The following NAB1 variants were observed in gnomAD, a reference collection of about 807,000 sequenced individuals.
The protein encoded by NAB1 is NGFI-A-binding protein 1.
Under a neutral mutation model 49.9 loss-of-function variants are expected in NAB1, and 25 were observed. The observed-to-expected ratio is 0.50, with a 90% CI of 0.37 to 0.70. The LOEUF is 0.70. Among genes scored for constraint, NAB1 ranks in the 30% least tolerant of loss-of-function variants. The probability of loss-of-function intolerance (pLI) is 0.00; values close to 1 mark genes in which losing one functional copy is unlikely to be tolerated. For missense variants in NAB1, 489 were observed against 575.9 expected (o/e 0.85, Z 1.54); for synonymous variants, 198 against 215.6 (o/e 0.92, Z 0.71).
At position 190,685,283 on chromosome 2, in the gene NAB1, A is replaced by G. The variant is rs1171796498; in HGVS notation, c.1096-193A>G. The stretch of plus-strand genomic sequence containing the variant: ...AGAAAGCTTTTATCTTTTGTACAAT[A>G]TCCAGCCTTTTATGTTTTAACATGA... On this transcript the variant is annotated intron_variant, in intron 7 of 9. Transcript: ENST00000337386. The surrounding 1 kb of genome is among the most constrained non-coding windows in gnomAD (Gnocchi z 4.5). Among the ~76,000 whole-genome samples the G allele has an allele frequency of 6.6e-6, 1 of 152,248 alleles. No individual in the cohort carries two copies. The highest frequency in any genetic ancestry group is 1.5e-5 in the Non-Finnish European group (1 of 68,044).
Position 190,679,966 on chromosome 2 carries a change from G to A in NAB1, c.1006-3772G>A, listed in dbSNP as rs1034229010. Among the ~76,000 whole-genome samples, 4 of 152,086 alleles carry A rather than the reference G, an allele frequency of 2.6e-5. No homozygotes were observed. The highest frequency in any genetic ancestry group is 6.5e-5 in the Admixed American group (1 of 15,268). On this transcript the variant is annotated intron_variant, in intron 6 of 9. Coordinates refer to ENST00000337386, the MANE Select transcript of NAB1 (RefSeq NM_005966.4). The surrounding 1 kb of genome is among the most constrained non-coding windows in gnomAD (Gnocchi z 5.3). ...GTCTCACTAGCAAATGAGCTCAACC[G>A]AATTCATCAGTGTTCTGGCCCCTCC...
In NAB1 at chr2:190,689,412, ATCCCCT is replaced by A. The variant is rs1175149982; in HGVS notation, c.1376-830_1376-825del. 6.6e-6 allele frequency among the ~76,000 whole-genome samples: 1 copy of A among 152,128 alleles called. No homozygotes were observed. The highest frequency in any genetic ancestry group is 2.4e-5 in the African/African-American group (1 of 41,410). On this transcript the variant is annotated intron_variant, in intron 9 of 9. Coordinates refer to ENST00000337386, the MANE Select transcript of NAB1 (RefSeq NM_005966.4). The surrounding 1 kb of genome is among the most constrained non-coding windows in gnomAD (Gnocchi z 4.3). The stretch of plus-strand genomic sequence containing the variant: ...TTACTACTCTTACGCGGAACTTAAA[ATCCCCT>A]TCTGTTTAGATAGAGAGGATTCATA...
chr2:190,682,864 C>T lies in NAB1; in HGVS notation c.1006-874C>T, dbSNP rs1355669637. ...TGTGGTATGATAAACTAGTAAAGGC[C>T]CTCTATAGGTTTAGCGAAAGTACAT... On this transcript the variant is annotated intron_variant, in intron 6 of 9. Transcript: ENST00000337386. The surrounding 1 kb of genome is among the most constrained non-coding windows in gnomAD (Gnocchi z 4.1). 6.6e-6 allele frequency among the ~76,000 whole-genome samples: 1 copy of T among 151,938 alleles called. No individual in the cohort carries two copies. The highest frequency in any genetic ancestry group is 1.5e-5 in the Non-Finnish European group (1 of 68,002).
chr2:190,654,342 C>T lies in NAB1; in HGVS notation c.-196-1635C>T, dbSNP rs554904578. On this transcript the variant is annotated intron_variant, in intron 2 of 9. Coordinates refer to ENST00000337386, the MANE Select transcript of NAB1 (RefSeq NM_005966.4). This position sits in a 1 kb window ranked among gnomAD's most constrained non-coding sequence, Gnocchi z 5.6. ...ATGAAGGACTGTCTTTCCTCTGTTC[C>T]CCAGAACTGGCTTAGTTGTTGGTGT... 9.2e-5 allele frequency among the ~76,000 whole-genome samples: 14 copies of T among 152,208 alleles called. No homozygotes were observed. The highest frequency in any genetic ancestry group is 3.3e-4 in the Admixed American group (5 of 15,276).
chr2:190,664,113 A>G (rs1363525524), intron 4 of NAB1, among the ~76,000 whole-genome samples: 1 of 152,174 alleles, frequency 6.6e-6, no homozygotes, highest in Non-Finnish European at 1.5e-5. Flanking sequence ...AAGCTTATTA[A>G]TTCTGTCATT....
In NAB1 at chr2:190,678,966, A is replaced by G. The variant is rs1365054596; in HGVS notation, c.1006-4772A>G. Among the ~76,000 whole-genome samples, 4 of 152,236 alleles carry G rather than the reference A, an allele frequency of 2.6e-5. No individual in the cohort carries two copies. The highest frequency in any genetic ancestry group is 4.1e-4 in the South Asian group (2 of 4,836). On this transcript the variant is annotated intron_variant, in intron 6 of 9. Coordinates refer to ENST00000337386, the MANE Select transcript of NAB1 (RefSeq NM_005966.4). This position sits in a 1 kb window ranked among gnomAD's most constrained non-coding sequence, Gnocchi z 4.9. ...TGTTCGGCAGAAAGGATGAGGAGGCATGGGGATGGAGACCAATGGGATGAG... is the reference window on the plus strand; with the variant it reads ...TGTTCGGCAGAAAGGATGAGGAGGCGTGGGGATGGAGACCAATGGGATGAG...
chr2:190,665,754 A>T (rs1305112865), intron 4 of NAB1, among the ~76,000 whole-genome samples: 1 of 152,176 alleles, frequency 6.6e-6, no homozygotes, highest in East Asian at 1.9e-4. Context: ...GGGGTTATGA[A>T]ATCTTAAGAG....
At position 190,690,390 on chromosome 2, in the gene NAB1, A is replaced by G. The variant is rs529085081; in HGVS notation, c.*57A>G. ...GCATCAGATTTAAGGATAATACTCC[A>G]TCATAGAAATAAGCCTTAATAACCA... On this transcript the variant is annotated 3_prime_UTR_variant, in exon 10 of 10. Transcript: ENST00000337386. The G allele has an allele frequency of 6.9e-6, 9 of 1,308,892 alleles. No individual in the cohort carries two copies. Among genetic ancestry groups the G allele is most frequent in the Middle Eastern group, 2.6e-4 (1 of 3,864 alleles). The allele number at this position is 1,308,892 out of a possible 1,614,324, so 81.1% of individuals were successfully genotyped here.
chr2:190,683,220 C>T (rs1477132082), intron 6 of NAB1, among the ~76,000 whole-genome samples: 1 of 151,188 alleles, frequency 6.6e-6, no homozygotes, highest in Non-Finnish European at 1.5e-5. Flanking sequence ...AAGCGATTCT[C>T]ATGCTTCAGC....
rs1694546592 is a variant in NAB1, at chr2:190,666,855, G to A, written c.820-3471G>A. 6.6e-6 allele frequency among the ~76,000 whole-genome samples: 1 copy of A among 152,160 alleles called. No homozygotes were observed. The highest frequency in any genetic ancestry group is 1.5e-5 in the Non-Finnish European group (1 of 68,030). On this transcript the variant is annotated intron_variant, in intron 4 of 9. Coordinates refer to ENST00000337386, the MANE Select transcript of NAB1 (RefSeq NM_005966.4). This position sits in a 1 kb window ranked among gnomAD's most constrained non-coding sequence, Gnocchi z 5.6. ...TCCTTTTAACAAAATTAGAGTATTG[G>A]CATTCAGAAAAAGCTAACAGTGCTG...
At chr2:190,650,782 AT>A (rs1166026101) in intron 2 of NAB1, among the ~76,000 whole-genome samples, 1 of 152,214 alleles carries the variant, frequency 6.6e-6, no homozygotes, top group Non-Finnish European at 1.5e-5. Flanking sequence ...ATACAATATT[AT>A]CTTTAAGTTT....
Position 190,664,303 on chromosome 2 carries a change from A to C in NAB1, c.819+4308A>C, listed in dbSNP as rs74271705. On this transcript the variant is annotated intron_variant, in intron 4 of 9. Transcript: ENST00000337386. ...TATTTTCTTTAATGTTGATATAAAT[A>C]CATGAGCTCTCTTTTTGTTAGTCAT... 4.1e-3 allele frequency among the ~76,000 whole-genome samples: 627 copies of C among 151,576 alleles called. 10 individuals carry two copies. The East Asian group carries it at 0.046, about 11-fold the overall frequency.
At chr2:190,688,598 G>A (rs1304008814) in intron 9 of NAB1, among the ~76,000 whole-genome samples, 1 of 152,088 alleles carries the variant, frequency 6.6e-6, no homozygotes, top group African/African-American at 2.4e-5. Context: ...ATATTCCTTA[G>A]AAGACTCTAT....
chr2:190,659,595 G>T lies in NAB1; in HGVS notation c.419G>T (p.Gly140Val). 6.2e-7 allele frequency: 1 copy of T among 1,614,264 alleles called. No individual in the cohort carries two copies. The highest frequency in any genetic ancestry group is 1.7e-5 in the Admixed American group (1 of 60,034). ...GCCACCACCTGTGTGCAGAGCTTGG[G>T]ACAGGGGAAGTCAGATGTGGTTGGG... is the stretch of plus-strand genomic sequence containing the variant. ...CAATTCVQSL[G>V]QGKSDVVGSL... The change falls in exon 4 of 10, where the codon GGA (glycine) becomes GTA (valine). Residue 140 changes from glycine to valine, a missense_variant. Physicochemically the swap from Gly to Val is moderately radical, Grantham distance 109. Around this residue, in one of 4 missense-constraint regions of NAB1, gnomAD observed 204 missense variants for 220.9 expected, o/e 0.92. Transcript: ENST00000337386. The surrounding 1 kb of genome is among the most constrained non-coding windows in gnomAD (Gnocchi z 6.2).
At chr2:190,664,742 T>G (rs1320605164) in intron 4 of NAB1, among the ~76,000 whole-genome samples, 1 of 151,694 alleles carries the variant, frequency 6.6e-6, no homozygotes, top group Non-Finnish European at 1.5e-5. Flanking sequence ...TATTCCTTAT[T>G]ATATCTTTAT....
intron 4 of NAB1, among the ~76,000 whole-genome samples, chr2:190,661,512 G>GT (rs1440486926): frequency 6.6e-6 from 1 of 152,048 alleles, no homozygotes; most frequent in Non-Finnish European, 1.5e-5. Flanking sequence ...AAATACATGT[G>GT]TTTTTTATCA....
intron 5 of NAB1, among the ~76,000 whole-genome samples, chr2:190,672,201 A>C (rs955285443): frequency 2.0e-5 from 3 of 151,984 alleles, no homozygotes; most frequent in Non-Finnish European, 2.9e-5. Flanking sequence ...AATTGTGTGG[A>C]TGTGCTGTGA....
rs1282467070 is a variant in NAB1, at chr2:190,691,804, A to T, written c.*1471A>T. ...TAGTTCTGCTCTAGATCATAATTGT[A>T]AAAAATATTAAGTCATAATCTGTTA... is the stretch of plus-strand genomic sequence containing the variant. On this transcript the variant is annotated 3_prime_UTR_variant, in exon 10 of 10. Transcript: ENST00000337386. The surrounding 1 kb of genome is among the most constrained non-coding windows in gnomAD (Gnocchi z 4.1). The T allele has an allele frequency of 6.6e-6, 1 of 152,156 alleles. No individual in the cohort carries two copies. The highest frequency in any genetic ancestry group is 1.5e-5 in the Non-Finnish European group (1 of 67,986). The allele number at this position is 152,156 out of a possible 1,614,324, so 9.4% of individuals were successfully genotyped here.
rs966499406 is a variant in NAB1 at position 190,686,943 on chromosome 2, C to T, written c.1259-258C>T. Among the ~76,000 whole-genome samples the T allele has an allele frequency of 6.6e-6, 1 of 152,186 alleles. No homozygotes were observed. The highest frequency in any genetic ancestry group is 1.5e-5 in the Non-Finnish European group (1 of 68,012). ...TATTATATGCCAAAACTGGAATGCT[C>T]ACAGGAATTCTCAGTCTTTTGTTTA... On this transcript the variant is annotated intron_variant, in intron 8 of 9. Transcript: ENST00000337386. The surrounding 1 kb of genome is among the most constrained non-coding windows in gnomAD (Gnocchi z 5.5).
Sources: gnomAD v4.1 joint callset for allele counts (sites outside exome capture counted in the v4.1 genomes callset) on GRCh38, gnomAD v4.1.1 for gene constraint, gnomAD v4.1.1 regional missense constraint, Gnocchi (gnomAD v3.1) non-coding constraint, MANE v1.5 for transcripts, NCBI Gene and HGNC (gene_info 2026-07-23, HGNC 2026-07-21) for gene names.